RP1: variants seen among roughly 807,000 people sequenced by gnomAD.
The protein encoded by RP1 is RP1 axonemal microtubule associated, also known as oxygen-regulated protein 1.
A neutral mutation model predicts 14.8 loss-of-function variants in RP1; 16 were observed. That is an observed-to-expected ratio of 1.08 (90% CI 0.73 to 1.65). RP1 has a LOEUF of 1.65. Among genes scored for constraint, RP1 ranks in the 40% most tolerant of loss-of-function variants. The pLI is 0.00. For missense variants in RP1, 2,631 were observed against 2,535.0 expected (o/e 1.04, Z -0.81); for synonymous variants, 876 against 883.6 (o/e 0.99, Z 0.15).
chr8:54,627,859 C>A lies in RP1; in HGVS notation c.3977C>A (p.Ala1326Asp), dbSNP rs1244763526. The A allele has an allele frequency of 6.2e-7, 1 of 1,614,102 alleles. No individual in the cohort carries two copies. Among genetic ancestry groups the A allele is most frequent in the Admixed American group, 1.7e-5 (1 of 60,020 alleles). The part of the protein sequence containing the change: ...AQKENHTYEG[A>D]CPIDETYVPV... ...AAGGAGAACCATACCTATGAGGGAGCTTGCCCAATTGATGAGACCTACGTT... is the reference window on the plus strand; with the variant it reads ...AAGGAGAACCATACCTATGAGGGAGATTGCCCAATTGATGAGACCTACGTT... Residue 1326 changes from alanine (A) to aspartate (D), a missense_variant, in exon 4 of 4, where the codon GCT becomes GAT. Transcript: ENST00000220676.
At chr8:54,608,128 G>C (rs553522856) in intron 1 of RP1, among the ~76,000 whole-genome samples, 1 of 151,320 alleles carries the variant, frequency 6.6e-6, no homozygotes, top group Admixed American at 6.6e-5. Context: ...CCCATCTTCT[G>C]TGTTGCTCAC....
At chr8:54,688,600 T>A (rs1246449553) in intron 12 of RP1, among the ~76,000 whole-genome samples, 1 of 152,184 alleles carries the variant, frequency 6.6e-6, no homozygotes, top group Non-Finnish European at 1.5e-5. Context: ...TTCTGTCAGG[T>A]TTGTCAAAGA....
At position 54,581,194 on chromosome 8, in the gene RP1, C is replaced by T. The variant is rs1804784794; in HGVS notation, c.-13+21874C>T. ...CAACAGGCCCCGGTGTGTGATGTTC[C>T]CCTTCCTGTGTCCATGTATTCTCAT... On this transcript the variant is annotated intron_variant, in intron 1 of 22. Transcript: ENST00000636932. Among the ~76,000 whole-genome samples, 4 of 151,604 alleles carry T rather than the reference C, an allele frequency of 2.6e-5. No homozygotes were observed. In the South Asian group the frequency reaches 6.3e-4, roughly 24 times the overall value.
intron 19 of RP1, among the ~76,000 whole-genome samples, chr8:54,741,318 C>T (rs1809079784): frequency 6.6e-6 from 1 of 152,158 alleles, no homozygotes; most frequent in Non-Finnish European, 1.5e-5. Context: ...GAGCAACTTC[C>T]ATCCTGCAAA....
chr8:54,714,083 G>A (rs1250327930), intron 15 of RP1, among the ~76,000 whole-genome samples: 2 of 152,078 alleles, frequency 1.3e-5, no homozygotes, highest in East Asian at 1.9e-4. Context: ...CCACCACCAC[G>A]CCCAGCTAAT....
intron 12 of RP1, chr8:54,699,449 T>C (rs1416717434): frequency 2.3e-6 from 3 of 1,286,954 alleles, no homozygotes; most frequent in East Asian, 2.8e-5. Flanking sequence ...TTTCTAATAC[T>C]TTAAAAATGT....
chr8:54,788,361 G>A (rs1810377701), intron 24 of RP1, among the ~76,000 whole-genome samples: 1 of 152,212 alleles, frequency 6.6e-6, no homozygotes, highest in South Asian at 2.1e-4. Flanking sequence ...TTAGCCATTA[G>A]CTAGATGGGT....
chr8:54,714,076 C>T (rs1808348166), intron 15 of RP1, among the ~76,000 whole-genome samples: 1 of 152,156 alleles, frequency 6.6e-6, no homozygotes, highest in Non-Finnish European at 1.5e-5. Context: ...CAGATGCCCA[C>T]CACCACGCCC....
chr8:54,863,364 C>T (rs2129329183), intron 27 of RP1, among the ~76,000 whole-genome samples: 1 of 152,250 alleles, frequency 6.6e-6, no homozygotes, highest in East Asian at 1.9e-4. Context: ...ACGATACCAT[C>T]TAGGTTTGTG....
intron 3 of RP1, among the ~76,000 whole-genome samples, chr8:54,645,422 C>G (rs1806526221): frequency 6.6e-6 from 1 of 152,058 alleles, no homozygotes; most frequent in Non-Finnish European, 1.5e-5. Context: ...ATATGTAGTG[C>G]TCTATCTCAT....
At chr8:54,870,063 G>A in exon 29 of RP1, 1 of 436,572 alleles carries the variant, frequency 2.3e-6, no homozygotes. Flanking sequence ...GTTTGTGTTG[G>A]ACCCACTCAT....
chr8:54,853,643 G>GA (rs1293356155), intron 26 of RP1, among the ~76,000 whole-genome samples: 4 of 151,776 alleles, frequency 2.6e-5, no homozygotes, highest in Non-Finnish European at 4.4e-5. Context: ...AATATTATTG[G>GA]AAAAAAATTT....
chr8:54,597,202 T>C (rs1283202829), intron 1 of RP1, among the ~76,000 whole-genome samples: 1 of 152,204 alleles, frequency 6.6e-6, no homozygotes, highest in South Asian at 2.1e-4. Flanking sequence ...GCCTTCATTA[T>C]TTACTAATTG....
At chr8:54,708,844 A>G (rs1327402744) in intron 15 of RP1, among the ~76,000 whole-genome samples, 1 of 151,328 alleles carries the variant, frequency 6.6e-6, no homozygotes, top group Non-Finnish European at 1.5e-5. Flanking sequence ...TATTTGTGCT[A>G]TGGGTGACTC....
chr8:54,752,695 G>T (rs1413816097), intron 19 of RP1, among the ~76,000 whole-genome samples: 1 of 152,102 alleles, frequency 6.6e-6, no homozygotes. Context: ...CCACACACTT[G>T]CATACCCCCC....
intron 22 of RP1, among the ~76,000 whole-genome samples, chr8:54,766,223 G>A (rs1444796353): frequency 2.0e-5 from 3 of 152,234 alleles, no homozygotes; most frequent in South Asian, 2.1e-4. Context: ...GGGAAAAGAG[G>A]GGGAGATGAT....
chr8:54,685,552 G>T (rs1039556136), intron 12 of RP1, among the ~76,000 whole-genome samples: 1 of 152,084 alleles, frequency 6.6e-6, no homozygotes, highest in Non-Finnish European at 1.5e-5. Flanking sequence ...CATTTACTGA[G>T]GAGTGGAAAC....
chr8:54,651,697 A>G (rs905144623), intron 4 of RP1, among the ~76,000 whole-genome samples: 29 of 152,100 alleles, frequency 1.9e-4, no homozygotes, highest in Non-Finnish European at 5.9e-5. Flanking sequence ...GTTTTTAATA[A>G]CCAAACATTA....
At chr8:54,767,755 A>C (rs1045707582) in intron 22 of RP1, among the ~76,000 whole-genome samples, 1 of 152,198 alleles carries the variant, frequency 6.6e-6, no homozygotes. Context: ...GAAAGATGGG[A>C]TACATAAACC....
Sources: allele counts gnomAD v4.1 joint callset (sites outside exome capture counted in the v4.1 genomes callset), GRCh38; gene constraint gnomAD v4.1.1; transcripts MANE v1.5; gene names NCBI Gene and HGNC (gene_info 2026-07-23, HGNC 2026-07-21).